Variants in BNC2 observed in about 807,000 individuals in gnomAD.
BNC2 encodes the protein basonuclin zinc finger protein 2, also known as zinc finger protein basonuclin-2.
A neutral mutation model predicts 76.3 loss-of-function variants in BNC2; 20 were observed. The ratio of observed to expected loss-of-function variants is 0.26; its 90% CI spans 0.18 to 0.38. The LOEUF is 0.38. Ranked by LOEUF, BNC2 falls within the 10% of genes least tolerant of loss-of-function variation. The pLI is 1.00. For synonymous variants in BNC2, 582 were observed against 514.8 expected, an observed-to-expected ratio of 1.13 and a Z score of -1.77; for missense variants, 1,382 against 1,399.8, an observed-to-expected ratio of 0.99 and a Z score of 0.20.
At chr9:16,686,049 A>T (rs937105374) in intron 3 of BNC2, among the ~76,000 whole-genome samples, 11 of 151,208 alleles carry the variant, frequency 7.3e-5, no homozygotes, top group East Asian at 3.9e-4. Flanking sequence ...GTAGGAATTT[A>T]AAAAAAAATA....
intron 5 of BNC2, among the ~76,000 whole-genome samples, chr9:16,550,232 T>TA (rs1818616494): frequency 6.6e-6 from 1 of 151,966 alleles, no homozygotes; most frequent in African/African-American, 2.4e-5. Context: ...CACAAATTTG[T>TA]AAACTTTCTT....
At chr9:16,666,312 G>A (rs752289670) in intron 3 of BNC2, among the ~76,000 whole-genome samples, 14 of 152,026 alleles carry the variant, frequency 9.2e-5, no homozygotes, top group Non-Finnish European at 1.6e-4. Context: ...GGTAATGTTG[G>A]CATTCCCTTG....
At chr9:16,687,677 A>C (rs888063030) in intron 3 of BNC2, among the ~76,000 whole-genome samples, 1 of 152,218 alleles carries the variant, frequency 6.6e-6, no homozygotes, top group African/African-American at 2.4e-5. Flanking sequence ...TTGCAAATTA[A>C]GTGTAAACCT....
intron 1 of BNC2, among the ~76,000 whole-genome samples, chr9:16,827,379 G>A (rs1016344493): frequency 6.6e-6 from 1 of 152,116 alleles, no homozygotes; most frequent in East Asian, 1.9e-4. Context: ...GAGCAGCTGC[G>A]ACCAGCCTCA....
chr9:16,817,028 C>T (rs928840588), intron 1 of BNC2, among the ~76,000 whole-genome samples: 3 of 152,132 alleles, frequency 2.0e-5, no homozygotes, highest in African/African-American at 4.8e-5. Context: ...AAGAGGCAGC[C>T]GCCTTTCCAT....
chr9:16,646,729 C>T (rs1361474003), intron 3 of BNC2, among the ~76,000 whole-genome samples: 3 of 152,086 alleles, frequency 2.0e-5, no homozygotes, highest in African/African-American at 7.2e-5. Flanking sequence ...GGGTCTATTT[C>T]ATTCTGTGTA....
In BNC2 at chr9:16,788,445, C is replaced by T. The variant is rs1182698232; in HGVS notation, c.4-49960G>A. Among the ~76,000 whole-genome samples, 7 of 150,508 alleles carry T rather than the reference C, an allele frequency of 4.7e-5. No individual in the cohort carries two copies. The South Asian group carries it at 1.3e-3, about 27-fold the overall frequency. ...GTAGGCTCCTGTAATTCCAGCTACT[C>T]GGGAGGCTAAGGCAGGAGAATGGCG... On this transcript the variant is annotated intron_variant, in intron 1 of 6. Coordinates refer to ENST00000380672, the MANE Select transcript of BNC2 (RefSeq NM_017637.6).
intron 5 of BNC2, among the ~76,000 whole-genome samples, chr9:16,527,332 A>T (rs553985470): frequency 1.3e-5 from 2 of 152,330 alleles, no homozygotes; most frequent in South Asian, 4.1e-4. Flanking sequence ...AAGAGACAGG[A>T]AAGTTTATTT....
intron 4 of BNC2, among the ~76,000 whole-genome samples, chr9:16,566,620 C>A (rs1819176526): frequency 6.6e-6 from 1 of 152,094 alleles, no homozygotes; most frequent in Non-Finnish European, 1.5e-5. Context: ...ATCTTAATTG[C>A]AAGGTACACA....
At chr9:16,582,889 A>G in intron 4 of BNC2, 94 bp downstream of exon 4, 2 of 957,468 alleles carry the variant, frequency 2.1e-6, no homozygotes, top group Non-Finnish European at 3.2e-6. Flanking sequence ...ACTCCTCTAA[A>G]CAGACACACA....
At chr9:16,512,324 G>A (rs538180337) in intron 5 of BNC2, among the ~76,000 whole-genome samples, 1 of 152,152 alleles carries the variant, frequency 6.6e-6, no homozygotes, top group African/African-American at 2.4e-5. Context: ...AAAAGTTATT[G>A]TTACTGAGGA....
chr9:16,847,340 C>G (rs1274188955), intron 1 of BNC2, among the ~76,000 whole-genome samples: 3 of 131,012 alleles, frequency 2.3e-5, no homozygotes, highest in Non-Finnish European at 4.6e-5. Flanking sequence ...ATCAAATTAC[C>G]TTTTTTACAC....
At chr9:16,751,960 C>G (rs894566064) in intron 1 of BNC2, among the ~76,000 whole-genome samples, 4 of 151,958 alleles carry the variant, frequency 2.6e-5, no homozygotes, top group African/African-American at 9.7e-5. Context: ...ATCCGGGAGG[C>G]AGAGGTTGCA....
intron 1 of BNC2, among the ~76,000 whole-genome samples, chr9:16,834,648 G>C (rs1020324682): frequency 5.3e-5 from 8 of 152,130 alleles, no homozygotes; most frequent in African/African-American, 1.4e-4. Context: ...ATTTTTGCCT[G>C]ATTATCTAAT....
At chr9:16,617,161 C>A (rs540135063) in intron 3 of BNC2, among the ~76,000 whole-genome samples, 25 of 152,268 alleles carry the variant, frequency 1.6e-4, no homozygotes, top group African/African-American at 5.8e-4. Flanking sequence ...TTTCAGTTTA[C>A]TGTCAAGTCC....
At chr9:16,584,595 G>A (rs1286497388) in intron 3 of BNC2, among the ~76,000 whole-genome samples, 1 of 152,108 alleles carries the variant, frequency 6.6e-6, no homozygotes, top group Non-Finnish European at 1.5e-5. Context: ...TGATATTTCA[G>A]GATCTCTCTT....
chr9:16,742,547 T>G (rs1824882077), intron 1 of BNC2, among the ~76,000 whole-genome samples: 1 of 150,236 alleles, frequency 6.7e-6, no homozygotes, highest in Admixed American at 6.6e-5. Context: ...TCTACTATAC[T>G]AGCAGCCCCT....
intron 3 of BNC2, among the ~76,000 whole-genome samples, chr9:16,723,790 G>A (rs2134915051): frequency 6.6e-6 from 1 of 151,982 alleles, no homozygotes; most frequent in African/African-American, 2.4e-5. Context: ...TAGCTTTCTT[G>A]GTTTGCCCCT....
chr9:16,523,699 C>T (rs1437656261), intron 5 of BNC2, among the ~76,000 whole-genome samples: 5 of 151,910 alleles, frequency 3.3e-5, no homozygotes, highest in Non-Finnish European at 5.9e-5. Context: ...CCGAGGCGGG[C>T]GGATCACCTG....
Sources: gnomAD v4.1 joint callset for allele counts (sites outside exome capture counted in the v4.1 genomes callset) on GRCh38, gnomAD v4.1.1 for gene constraint, MANE v1.5 for transcripts, NCBI Gene and HGNC (gene_info 2026-07-23, HGNC 2026-07-21) for gene names.